Variants in FGF12 observed in about 807,000 individuals in gnomAD.
The protein encoded by FGF12 is fibroblast growth factor 12B.
A neutral mutation model predicts 23.6 loss-of-function variants in FGF12; 14 were observed. That is an observed-to-expected ratio of 0.59 (90% CI 0.39 to 0.93). The LOEUF (loss-of-function observed/expected upper bound fraction) is 0.93. Among genes scored for constraint, FGF12 ranks in the 40% least tolerant of loss-of-function variants. The pLI, the probability that FGF12 is intolerant of heterozygous loss-of-function variation, is 0.00. For synonymous variants in FGF12, 62 were observed against 77.3 expected, an observed-to-expected ratio of 0.80 and a Z score of 1.04; for missense variants, 175 against 217.8, an observed-to-expected ratio of 0.80 and a Z score of 1.24.
intron 2 of FGF12, among the ~76,000 whole-genome samples, chr3:192,380,537 A>G (rs1023752262): frequency 6.6e-6 from 1 of 152,182 alleles, no homozygotes; most frequent in African/African-American, 2.4e-5. Flanking sequence ...CTATAAATAA[A>G]TGCTCTACAC....
chr3:192,450,445 T>C (rs1442727224), intron 2 of FGF12, among the ~76,000 whole-genome samples: 1 of 152,148 alleles, frequency 6.6e-6, no homozygotes, highest in African/African-American at 2.4e-5. Flanking sequence ...ATACTAAACA[T>C]AGATAGAACC....
At chr3:192,370,007 G>A (rs1005965431) in intron 2 of FGF12, among the ~76,000 whole-genome samples, 2 of 152,152 alleles carry the variant, frequency 1.3e-5, no homozygotes, top group African/African-American at 2.4e-5. Context: ...GCTTTGAGCA[G>A]CACCAGCAGG....
intron 2 of FGF12, among the ~76,000 whole-genome samples, chr3:192,422,954 A>T (rs1721578252): frequency 6.6e-6 from 1 of 152,142 alleles, no homozygotes; most frequent in East Asian, 1.9e-4. Flanking sequence ...GGAAAACCTG[A>T]TGTGAAGAAT....
intron 2 of FGF12, among the ~76,000 whole-genome samples, chr3:192,493,129 G>A (rs1029776282): frequency 5.3e-5 from 8 of 151,996 alleles, no homozygotes; most frequent in Non-Finnish European, 7.4e-5. Context: ...AATATAAAGA[G>A]TCAGAGTATG....
At chr3:192,155,527 T>TG (rs773031925) in intron 5 of FGF12, among the ~76,000 whole-genome samples, 12 of 152,042 alleles carry the variant, frequency 7.9e-5, no homozygotes, top group South Asian at 2.1e-4. Flanking sequence ...TCTTTTGTTT[T>TG]GGGGGGGAGC....
chr3:192,233,163 T>G (rs61623890), intron 4 of FGF12, among the ~76,000 whole-genome samples: 10,151 of 152,272 alleles, frequency 0.067, 356 homozygotes, highest in South Asian at 0.08. Flanking sequence ...ACTTTACATT[T>G]CCACCAGGAG....
chr3:192,293,535 AAAAAGAAGTGCC>A (rs1240193639), intron 4 of FGF12, among the ~76,000 whole-genome samples: 1 of 152,208 alleles, frequency 6.6e-6, no homozygotes, highest in Non-Finnish European at 1.5e-5. Context: ...CCTTTGTATC[AAAAAGAAGTGCC>A]AAATTTTGTG....
intron 4 of FGF12, among the ~76,000 whole-genome samples, chr3:192,269,410 C>T (rs1326828703): frequency 6.6e-6 from 1 of 152,158 alleles, no homozygotes; most frequent in East Asian, 1.9e-4. Context: ...ATCGTATACA[C>T]AGTACTGGTT....
intron 2 of FGF12, among the ~76,000 whole-genome samples, chr3:192,602,390 C>T (rs905566): frequency 0.42 from 64,191 of 151,832 alleles, 13,643 homozygotes; most frequent in Middle Eastern, 0.49. Flanking sequence ...GTCAGGGAAG[C>T]TCCTTCCCAG....
At chr3:192,357,935 C>T (rs1443523200) in intron 3 of FGF12, among the ~76,000 whole-genome samples, 1 of 151,964 alleles carries the variant, frequency 6.6e-6, no homozygotes, top group African/African-American at 2.4e-5. Flanking sequence ...AATGATTATA[C>T]ACAAAAAGGA....
At chr3:192,443,398 T>C (rs1722263084) in intron 2 of FGF12, among the ~76,000 whole-genome samples, 1 of 152,176 alleles carries the variant, frequency 6.6e-6, no homozygotes, top group Non-Finnish European at 1.5e-5. Flanking sequence ...GATAATAATA[T>C]AGAAGATAGA....
intron 4 of FGF12, among the ~76,000 whole-genome samples, chr3:192,326,423 T>C (rs1033805312): frequency 6.6e-6 from 1 of 152,190 alleles, no homozygotes. Flanking sequence ...CCTCTCCTTA[T>C]AGTTACCAAT....
At chr3:192,527,140 G>C (rs1724963923) in intron 2 of FGF12, among the ~76,000 whole-genome samples, 3 of 152,140 alleles carry the variant, frequency 2.0e-5, no homozygotes, top group Admixed American at 2.0e-4. Flanking sequence ...CAATGGGACT[G>C]GTGGCTTTAT....
Position 192,481,238 on chromosome 3 carries a change from G to A in FGF12, c.14-120700C>T, listed in dbSNP as rs148987452. Among the ~76,000 whole-genome samples, 193 of 152,030 alleles carry A rather than the reference G, an allele frequency of 1.3e-3. 1 individual carries two copies. Among genetic ancestry groups the A allele is most frequent in the Non-Finnish European group, 2.2e-3 (147 of 67,986 alleles). Reference sequence around the variant, plus strand: ...CAAAATACATTTCATGTAAGGGTACGTTGATATAAAATTTTTAAAGAAAAC... The same window carrying A: ...CAAAATACATTTCATGTAAGGGTACATTGATATAAAATTTTTAAAGAAAAC... On this transcript the variant is annotated intron_variant, in intron 2 of 5. Coordinates refer to ENST00000445105, the MANE Select transcript of FGF12 (RefSeq NM_004113.6).
intron 2 of FGF12, among the ~76,000 whole-genome samples, chr3:192,621,236 G>A (rs1714964032): frequency 6.6e-6 from 1 of 152,068 alleles, no homozygotes; most frequent in Non-Finnish European, 1.5e-5. Context: ...AAATTTTATA[G>A]AGAAATGTAC....
At chr3:192,473,843 G>A (rs1270490377) in intron 2 of FGF12, among the ~76,000 whole-genome samples, 1 of 152,196 alleles carries the variant, frequency 6.6e-6, no homozygotes, top group African/African-American at 2.4e-5. Context: ...GATGGCTGAA[G>A]CTTTTCTGTT....
intron 2 of FGF12, among the ~76,000 whole-genome samples, chr3:192,711,650 C>T (rs899645390): frequency 2.6e-5 from 4 of 152,206 alleles, no homozygotes; most frequent in South Asian, 4.2e-4. Context: ...CCTTACCCCC[C>T]AACCCGGTGC....
intron 2 of FGF12, among the ~76,000 whole-genome samples, chr3:192,657,665 A>G (rs1716489875): frequency 1.3e-5 from 2 of 152,208 alleles, no homozygotes; most frequent in Non-Finnish European, 2.9e-5. Context: ...AAATACAGGT[A>G]GTAGACATTT....
At chr3:192,462,021 A>G (rs1388371063) in intron 2 of FGF12, among the ~76,000 whole-genome samples, 3 of 152,142 alleles carry the variant, frequency 2.0e-5, no homozygotes, top group Non-Finnish European at 4.4e-5. Flanking sequence ...TTATTACTTA[A>G]TGATTATTGG....
Sources: allele counts gnomAD v4.1 joint callset (sites outside exome capture counted in the v4.1 genomes callset), GRCh38; gene constraint gnomAD v4.1.1; transcripts MANE v1.5; gene names NCBI Gene and HGNC (gene_info 2026-07-23, HGNC 2026-07-21).